The following SOS1 variants were observed in gnomAD, a reference collection of about 807,000 sequenced individuals.
SOS1 encodes SOS Ras/Rac guanine nucleotide exchange factor 1, also known as son of sevenless homolog 1.
Under a neutral mutation model 157.6 loss-of-function variants are expected in SOS1, and 25 were observed. The ratio of observed to expected loss-of-function variants is 0.16; its 90% confidence interval spans 0.12 to 0.22. The LOEUF is 0.22. SOS1 is among the 10% of genes least tolerant of loss of function. SOS1 has a pLI of 1.00. For missense variants in SOS1, 1,237 were observed against 1,599.1 expected, an observed-to-expected ratio of 0.77 and a Z score of 3.86; for synonymous variants, 528 against 534.0, an observed-to-expected ratio of 0.99 and a Z score of 0.16.
chr2:39,120,193 C>T (rs931934386), intron 1 of SOS1, 143 bp downstream of exon 1: 17 of 652,244 alleles, frequency 2.6e-5, no homozygotes, highest in Non-Finnish European at 3.8e-5. Context: ...ATGAGGGGGG[C>T]CTCTCCGTGT....
In SOS1 at chr2:39,035,215, C is replaced by G; in HGVS notation, c.1071G>C (p.Leu357Phe). Reference sequence around the variant, plus strand: ...TAACAATAAAGAGTTTTCTTACCTTCAAAAGTTCAAAGTAATGGAGACAGT... The same window carrying G: ...TAACAATAAAGAGTTTTCTTACCTTGAAAAGTTCAAAGTAATGGAGACAGT... ...VYHCLHYFEL[L>F]KQLEEKSEDQ... The change falls in exon 8 of 23, where the codon TTG becomes TTC. Residue 357 changes from leucine to phenylalanine, a missense_variant. Leu to Phe is a conservative substitution (Grantham distance 22). This residue lies in a region of SOS1 where 101 missense variants were observed against 171.5 expected (regional missense o/e 0.59). Coordinates refer to ENST00000402219, the MANE Select transcript of SOS1 (RefSeq NM_005633.4). The G allele has an allele frequency of 2.5e-6, 4 of 1,607,598 alleles. No homozygotes were observed. The highest frequency in any genetic ancestry group is 3.4e-6 in the Non-Finnish European group (4 of 1,174,448).
At chr2:39,024,243 A>G in intron 8 of SOS1, 106 bp from the exon 9 acceptor site, 2 of 798,440 alleles carry the variant, frequency 2.5e-6, no homozygotes, top group Non-Finnish European at 4.0e-6. Context: ...GTCACAATAA[A>G]AATTTTAAAT....
intron 5 of SOS1, among the ~76,000 whole-genome samples, chr2:39,053,594 T>C (rs1395692950): frequency 6.6e-6 from 1 of 152,188 alleles, no homozygotes; most frequent in Non-Finnish European, 1.5e-5. Context: ...CTCATCGCCA[T>C]AGCTTGAGCC....
rs770225695 is a variant in SOS1 at position 39,012,234 on chromosome 2, A to C, written c.2282T>G (p.Val761Gly). The change falls in exon 14 of 23, where the codon GTT (valine) becomes GGT (glycine). Residue 761 changes from valine to glycine, a missense_variant. Val to Gly is a moderately radical substitution (Grantham distance 109, BLOSUM62 -3). Coordinates refer to ENST00000402219, the MANE Select transcript of SOS1 (RefSeq NM_005633.4). ...CCCAGGTCTGCTTATATGCCACTCA[A>C]CTGTGGGAGGTGAACTCTGAAATGT... Reference protein sequence around the residue: ...NITFQSSPPTVEWHISRPGHI... With the variant: ...NITFQSSPPTGEWHISRPGHI... 1 of 1,613,390 alleles carries C rather than the reference A, an allele frequency of 6.2e-7. No homozygotes were observed. Among genetic ancestry groups the C allele is most frequent in the Non-Finnish European group, 8.5e-7 (1 of 1,179,458 alleles).
At chr2:39,087,773 G>C (rs1440049452) in intron 1 of SOS1, among the ~76,000 whole-genome samples, 2 of 152,042 alleles carry the variant, frequency 1.3e-5, no homozygotes, top group African/African-American at 4.8e-5. Flanking sequence ...TCTCCTCCCA[G>C]GATCAAGAGG....
chr2:39,034,982 G>C (rs757612967), intron 8 of SOS1: 7 of 581,548 alleles, frequency 1.2e-5, no homozygotes, highest in African/African-American at 3.8e-5. Flanking sequence ...ATAAAAAAAA[G>C]AAAAAACAAA....
At chr2:39,003,472 T>A (rs916067144) in intron 17 of SOS1, among the ~76,000 whole-genome samples, 4 of 152,188 alleles carry the variant, frequency 2.6e-5, no homozygotes, top group Admixed American at 6.5e-5. Context: ...ACCAATTATG[T>A]AAGGCGTAAC....
At chr2:39,052,115 C>G (rs1042232655) in intron 5 of SOS1, among the ~76,000 whole-genome samples, 1 of 152,176 alleles carries the variant, frequency 6.6e-6, no homozygotes, top group Non-Finnish European at 1.5e-5. Context: ...TACTTTGTCT[C>G]TATGGATTTG....
At chr2:39,100,818 C>G (rs552530626) in intron 1 of SOS1, among the ~76,000 whole-genome samples, 1 of 152,236 alleles carries the variant, frequency 6.6e-6, no homozygotes, top group East Asian at 1.9e-4. Flanking sequence ...ACTTGAGAGG[C>G]TGAGGAGGGA....
intron 1 of SOS1, among the ~76,000 whole-genome samples, chr2:39,107,675 A>AC (rs1249795736): frequency 2.0e-5 from 3 of 146,818 alleles, no homozygotes; most frequent in Non-Finnish European, 4.4e-5. Flanking sequence ...AAAAAAAAAA[A>AC]AAAAAACCTA....
chr2:39,067,549 A>C, intron 2 of SOS1, 79 bp downstream of exon 2: 3 of 1,326,994 alleles, frequency 2.3e-6, no homozygotes, highest in Non-Finnish European at 3.3e-6. Context: ...AGAGAGAGCA[A>C]ATTCTTTCCC....
chr2:39,092,363 C>T (rs540550731), intron 1 of SOS1, among the ~76,000 whole-genome samples: 1 of 152,252 alleles, frequency 6.6e-6, no homozygotes, highest in Non-Finnish European at 1.5e-5. Context: ...TTCTAGGGTG[C>T]TCCTCCACCA....
chr2:39,095,747 A>T (rs1672747032), intron 1 of SOS1, among the ~76,000 whole-genome samples: 1 of 152,252 alleles, frequency 6.6e-6, no homozygotes, highest in Admixed American at 6.5e-5. Context: ...ATGTGCAAAG[A>T]GGACAGAGAG....
intron 1 of SOS1, among the ~76,000 whole-genome samples, chr2:39,073,446 A>G (rs943931984): frequency 2.0e-5 from 3 of 152,254 alleles, no homozygotes; most frequent in Non-Finnish European, 2.9e-5. Flanking sequence ...AGTACAATTA[A>G]TGCAAATACT....
chr2:39,052,018 T>C (rs1399397475), intron 5 of SOS1, among the ~76,000 whole-genome samples: 4 of 152,186 alleles, frequency 2.6e-5, no homozygotes, highest in East Asian at 1.9e-4. Context: ...AGAAAACCTA[T>C]GATTTTTTTG....
chr2:39,111,739 CTTTTTTT>C (rs1398878615), intron 1 of SOS1, among the ~76,000 whole-genome samples: 2 of 95,342 alleles, frequency 2.1e-5, no homozygotes, highest in African/African-American at 7.8e-5. Flanking sequence ...TTTTTTTTTT[CTTTTTTT>C]GAGACGGAGT....
At chr2:39,022,393 G>C (rs948640017) in intron 10 of SOS1, 177 bp downstream of exon 10, 7 of 617,176 alleles carry the variant, frequency 1.1e-5, no homozygotes, top group Admixed American at 2.7e-5. Flanking sequence ...AAGTATTTAA[G>C]TGTAGTAGAA....
chr2:39,104,527 G>C (rs78401321), intron 1 of SOS1, among the ~76,000 whole-genome samples: 12,785 of 152,128 alleles, frequency 0.084, 1,904 homozygotes, highest in African/African-American at 0.29. Flanking sequence ...AATATTGCAG[G>C]TTCTGTGAAA....
intron 1 of SOS1, among the ~76,000 whole-genome samples, chr2:39,069,102 T>G (rs1347564226): frequency 7.0e-6 from 1 of 143,704 alleles, no homozygotes; most frequent in African/African-American, 2.6e-5. Flanking sequence ...TCCTAACACT[T>G]TGAGAGGCTG....
Sources: gnomAD v4.1 joint callset for allele counts (sites outside exome capture counted in the v4.1 genomes callset) on GRCh38, gnomAD v4.1.1 for gene constraint, gnomAD v4.1.1 regional missense constraint, MANE v1.5 for transcripts, NCBI Gene and HGNC (gene_info 2026-07-23, HGNC 2026-07-21) for gene names.